SVIL: variants seen among roughly 807,000 people sequenced by gnomAD.
The protein encoded by SVIL is supervillin, also known as archvillin.
Under a neutral mutation model 240.4 loss-of-function variants are expected in SVIL, and 101 were observed. The observed-to-expected ratio is 0.42, with a 90% CI of 0.36 to 0.50. SVIL has a LOEUF of 0.50. Among genes scored for constraint, SVIL ranks in the 20% least tolerant of loss-of-function variants. The pLI, the probability that SVIL is intolerant of heterozygous loss-of-function variation, is 0.01. For missense variants in SVIL, 2,512 were observed against 2,818.7 expected (o/e 0.89, Z 2.46); for synonymous variants, 999 against 1,100.0 (o/e 0.91, Z 1.82).
chr10:29,595,382 G>C (rs1248442736), intron 1 of SVIL, among the ~76,000 whole-genome samples: 1 of 152,202 alleles, frequency 6.6e-6, no homozygotes, highest in Admixed American at 6.5e-5. Context: ...GGCTCTGCTA[G>C]GGTATGGATG....
At chr10:29,599,589 G>A (rs548647372) in intron 1 of SVIL, among the ~76,000 whole-genome samples, 1 of 151,942 alleles carries the variant, frequency 6.6e-6, no homozygotes, top group South Asian at 2.1e-4. Flanking sequence ...CTAATCTTTT[G>A]TATTTTTAGT....
At position 29,675,223 on chromosome 10, in the gene SVIL, G is replaced by A. The variant is rs750140385; in HGVS notation, c.-301+11330C>T. 3.3e-5 allele frequency among the ~76,000 whole-genome samples: 5 copies of A among 152,114 alleles called. No individual in the cohort carries two copies. The East Asian group carries it at 9.6e-4, about 29-fold the overall frequency. On this transcript the variant is annotated intron_variant, in intron 2 of 35. Transcript: ENST00000375400. ...ATTTCTAGAAACCAGCCCTCAGCTG[G>A]GCACAATGGCTCATGTTTGTAATCC...
intron 30 of SVIL, 129 bp from the exon 31 acceptor site, chr10:29,471,372 C>T (rs1945561123): frequency 7.2e-6 from 5 of 691,706 alleles, no homozygotes; most frequent in South Asian, 2.2e-5. Flanking sequence ...GCTAACACTA[C>T]CACCTAAAGA....
At chr10:29,603,190 C>G (rs1956881355) in intron 1 of SVIL, among the ~76,000 whole-genome samples, 1 of 152,118 alleles carries the variant, frequency 6.6e-6, no homozygotes, top group African/African-American at 2.4e-5. Context: ...TTAGTCCCAG[C>G]TGGGAGAAAC....
chr10:29,498,525 G>C (rs1343052651), intron 18 of SVIL, among the ~76,000 whole-genome samples: 2 of 152,176 alleles, frequency 1.3e-5, no homozygotes, highest in Non-Finnish European at 2.9e-5. Flanking sequence ...TTTTGAAATA[G>C]TGACAAATGG....
At chr10:29,492,998 G>A (rs1948109617) in intron 21 of SVIL, among the ~76,000 whole-genome samples, 1 of 152,168 alleles carries the variant, frequency 6.6e-6, no homozygotes, top group Middle Eastern at 3.2e-3. Context: ...CTGCCTGCAT[G>A]CACATCTGGT....
intron 13 of SVIL, among the ~76,000 whole-genome samples, chr10:29,526,281 T>C (rs923294080): frequency 1.3e-5 from 2 of 151,634 alleles, no homozygotes; most frequent in Non-Finnish European, 2.9e-5. Flanking sequence ...ATTTTTCTTT[T>C]TTTTTCTTTC....
At chr10:29,520,683 G>T (rs1197877371) in intron 16 of SVIL, among the ~76,000 whole-genome samples, 1 of 152,130 alleles carries the variant, frequency 6.6e-6, no homozygotes, top group Non-Finnish European at 1.5e-5. Flanking sequence ...TGAGGTGGGA[G>T]GACTGTTTGA....
intron 1 of SVIL, among the ~76,000 whole-genome samples, chr10:29,572,412 C>A (rs1247697): frequency 0.81 from 122,524 of 152,044 alleles, 50,070 homozygotes; most frequent in African/African-American, 0.95. Context: ...AAAAGAAAAA[C>A]GGGAGTGTTG....
rs1964840257 is a variant in SVIL at position 29,735,357 on chromosome 10, C to A, written c.-400+394G>T. Among the ~76,000 whole-genome samples, 2 of 150,632 alleles carry A rather than the reference C, an allele frequency of 1.3e-5. No individual in the cohort carries two copies. Among genetic ancestry groups the A allele is most frequent in the South Asian group, 2.1e-4 (1 of 4,766 alleles). ...GATCACTGGCGCGCCACTCCCCGGG[C>A]CACCCGCCTCCCCGCCATGCTCTCA... On this transcript the variant is annotated intron_variant, in intron 1 of 35. Transcript: ENST00000375400. The surrounding 1 kb of genome is among the most constrained non-coding windows in gnomAD (Gnocchi z 4.1).
chr10:29,530,733 GTCTT>G (rs1951301361), intron 10 of SVIL, 65 bp from the exon 11 acceptor site: 6 of 1,575,560 alleles, frequency 3.8e-6, no homozygotes, highest in Non-Finnish European at 5.2e-6. Flanking sequence ...TCTCCAAAAA[GTCTT>G]TCAGGGCTGA....
chr10:29,581,305 C>T (rs190581665), intron 1 of SVIL, among the ~76,000 whole-genome samples: 115 of 152,270 alleles, frequency 7.6e-4, no homozygotes, highest in Admixed American at 1.8e-3. Context: ...CTTTCATTTC[C>T]CCTTGATCAC....
In SVIL at chr10:29,532,967, C is replaced by T; in HGVS notation, c.1400G>A (p.Ser467Asn). 3.1e-6 allele frequency: 5 copies of T among 1,614,146 alleles called. No homozygotes were observed. Among genetic ancestry groups the T allele is most frequent in the Non-Finnish European group, 3.4e-6 (4 of 1,180,044 alleles). ...LALEGDGLVR[S>N]PEDPSRNEDF... The stretch of plus-strand genomic sequence containing the variant: ...CTCATTTCTAGAGGGATCTTCTGGG[C>T]TTCTCACTAGCCCATCACCCTCCAA... The change falls in exon 8 of 38, where the codon AGC becomes AAC. Residue 467 changes from serine (S) to asparagine (N), a missense_variant. Ser to Asn is a conservative substitution (Grantham distance 46). Transcript: ENST00000355867.
chr10:29,527,724 CT>C (rs1213694531), intron 12 of SVIL, among the ~76,000 whole-genome samples: 4,562 of 99,862 alleles, frequency 0.046, 32 homozygotes, highest in Non-Finnish European at 0.064. Flanking sequence ...TGGGCCCAGC[CT>C]TTTTTTTTTT....
intron 6 of SVIL, among the ~76,000 whole-genome samples, chr10:29,543,362 G>A (rs971483756): frequency 3.3e-5 from 5 of 152,142 alleles, no homozygotes; most frequent in African/African-American, 1.2e-4. Flanking sequence ...ACTGCAGGAC[G>A]CAGGGGGACC....
At position 29,457,747 on chromosome 10, in the gene SVIL, C is replaced by A. The variant is rs974214228; in HGVS notation, c.*500G>T. 1 of 152,618 alleles carries A rather than the reference C, an allele frequency of 6.6e-6. No individual in the cohort carries two copies. The highest frequency in any genetic ancestry group is 2.4e-5 in the African/African-American group (1 of 41,414). 9.5% of individuals were successfully genotyped at this position (152,618 alleles called of 1,614,324 possible). ...CATATTGGTGGCAGAGCTAATTCAA[C>A]AGAAGCAACTCCATCTACCTTTTCA... On this transcript the variant is annotated 3_prime_UTR_variant, in exon 38 of 38. Coordinates refer to ENST00000355867, the MANE Select transcript of SVIL (RefSeq NM_021738.3).
At chr10:29,649,249 A>T (rs148523741) in intron 3 of SVIL, among the ~76,000 whole-genome samples, 2 of 152,280 alleles carry the variant, frequency 1.3e-5, no homozygotes, top group East Asian at 3.9e-4. Context: ...CACACTACTA[A>T]TATCATCTTC....
chr10:29,604,411 A>G (rs1162912967), intron 1 of SVIL, among the ~76,000 whole-genome samples: 1 of 131,480 alleles, frequency 7.6e-6, no homozygotes, highest in African/African-American at 2.9e-5. Context: ...AGTAAGAGAC[A>G]GGGTTTTGCC....
chr10:29,732,973 A>T (rs1964704903), intron 1 of SVIL, among the ~76,000 whole-genome samples: 1 of 152,174 alleles, frequency 6.6e-6, no homozygotes. Flanking sequence ...CAAAACCAGG[A>T]GAAAAGCTCT....
Sources: gnomAD v4.1 joint callset for allele counts (sites outside exome capture counted in the v4.1 genomes callset) on GRCh38, gnomAD v4.1.1 for gene constraint, Gnocchi (gnomAD v3.1) non-coding constraint, MANE v1.5 for transcripts, NCBI Gene and HGNC (gene_info 2026-07-23, HGNC 2026-07-21) for gene names.